NID1: variants seen among roughly 807,000 people sequenced by gnomAD.
NID1 encodes the protein nidogen 1, also known as nidogen-1.
A neutral mutation model predicts 130.6 loss-of-function variants in NID1; 76 were observed. That is an observed-to-expected ratio of 0.58 (90% CI 0.48 to 0.70). NID1 has a LOEUF of 0.70. Ranked by LOEUF, NID1 falls within the 30% of genes least tolerant of loss-of-function variation. The pLI is 0.00. For missense variants in NID1, 1,517 were observed against 1,664.8 expected (o/e 0.91, Z 1.54); for synonymous variants, 665 against 675.1 (o/e 0.98, Z 0.23).
chr1:235,980,703 T>G, intron 16 of NID1, 50 bp from the exon 17 acceptor site: 1 of 1,574,838 alleles, frequency 6.3e-7, no homozygotes, highest in African/African-American at 1.4e-5. Flanking sequence ...TAAGGATGCA[T>G]GAGAAAAAGT....
At chr1:235,991,132 C>G in intron 13 of NID1, 74 bp from the exon 14 acceptor site, 1 of 1,256,100 alleles carries the variant, frequency 8.0e-7, no homozygotes, top group South Asian at 1.5e-5. Flanking sequence ...CACACACCCC[C>G]ACACACATGC....
intron 1 of NID1, among the ~76,000 whole-genome samples, chr1:236,054,755 C>A (rs909310221): frequency 6.6e-6 from 1 of 151,632 alleles, no homozygotes; most frequent in African/African-American, 2.4e-5. Context: ...AATTCTCCTG[C>A]CTCAGCCTCC....
chr1:236,032,266 T>C (rs1659120302), intron 6 of NID1, 135 bp downstream of exon 6: 7 of 1,077,980 alleles, frequency 6.5e-6, no homozygotes, highest in Non-Finnish European at 9.4e-6. Flanking sequence ...CAGGATGCCC[T>C]GTCTACAGAC....
intron 12 of NID1, among the ~76,000 whole-genome samples, chr1:236,011,057 CCCTCAATGAGCTCACAGGT>C (rs1194158564): frequency 1.2e-4 from 18 of 152,108 alleles, no homozygotes; most frequent in African/African-American, 3.4e-4. Flanking sequence ...ACCTGCACCA[CCCTCAATGAGCTCACAGGT>C]CCTCAATGAG....
At chr1:235,998,901 C>T (rs1218363907) in intron 12 of NID1, among the ~76,000 whole-genome samples, 1 of 152,030 alleles carries the variant, frequency 6.6e-6, no homozygotes, top group African/African-American at 2.4e-5. Flanking sequence ...GGCCACAGCA[C>T]TGGTTGGTGG....
intron 1 of NID1, among the ~76,000 whole-genome samples, chr1:236,061,125 G>C (rs1408884188): frequency 6.6e-6 from 1 of 152,146 alleles, no homozygotes; most frequent in African/African-American, 2.4e-5. Context: ...CAGAAAGAAT[G>C]ACAGAAACAA....
Position 235,985,548 on chromosome 1 carries a change from A to G in NID1, c.2929-43T>C, listed in dbSNP as rs747760394. The G allele has an allele frequency of 6.2e-6, 10 of 1,608,362 alleles. No individual in the cohort carries two copies. The Middle Eastern group carries it at 1.2e-3, about 186-fold the overall frequency. On this transcript the variant is annotated intron_variant, in intron 14 of 19. Coordinates refer to ENST00000264187, the MANE Select transcript of NID1 (RefSeq NM_002508.3). ...TGGTTAGAATGGTCCATCTACAAGC[A>G]TCTGATAGTGAGAATCTTTTTGCGT...
intron 4 of NID1, among the ~76,000 whole-genome samples, chr1:236,041,054 G>C (rs1330502424): frequency 2.0e-5 from 3 of 151,938 alleles, no homozygotes; most frequent in Non-Finnish European, 4.4e-5. Context: ...TAGTTGACCA[G>C]AAAATGTACT....
At chr1:236,063,604 T>C (rs1378918970) in intron 1 of NID1, among the ~76,000 whole-genome samples, 2 of 152,200 alleles carry the variant, frequency 1.3e-5, no homozygotes, top group East Asian at 1.9e-4. Context: ...CTTGGTCATC[T>C]TGTGGATTTT....
rs1194064641 is a variant in NID1 at position 235,980,430 on chromosome 1, CTA to C, written c.3385+64_3385+65del. The C allele has an allele frequency of 2.4e-5, 37 of 1,553,888 alleles. No individual in the cohort carries two copies. In the Admixed American group the frequency reaches 6.8e-4, roughly 29 times the overall value. ...GCTGGTTAGATTTGACCCCAGGGCC[CTA>C]GTTTGCCCACCCCTGACTTAGGAGA... is the stretch of plus-strand genomic sequence containing the variant. On this transcript the variant is annotated intron_variant, in intron 17 of 19. Transcript: ENST00000264187.
chr1:236,021,556 C>T (rs1242226940), intron 9 of NID1, among the ~76,000 whole-genome samples: 1 of 152,166 alleles, frequency 6.6e-6, no homozygotes, highest in African/African-American at 2.4e-5. Flanking sequence ...CCATTAGCTG[C>T]GGCTGCTGGA....
intron 5 of NID1, among the ~76,000 whole-genome samples, chr1:236,035,496 T>C (rs368128598): frequency 7.1e-6 from 1 of 141,360 alleles, no homozygotes; most frequent in African/African-American, 2.7e-5. Flanking sequence ...TATAGTCCTT[T>C]GGGTATATAC....
chr1:235,990,098 A>G (rs562083441), intron 14 of NID1, among the ~76,000 whole-genome samples: 1 of 152,356 alleles, frequency 6.6e-6, no homozygotes, highest in South Asian at 2.1e-4. Context: ...TATTTTGGAT[A>G]CTTTTTTGCT....
intron 9 of NID1, among the ~76,000 whole-genome samples, chr1:236,019,337 C>T (rs1234284148): frequency 6.6e-6 from 1 of 152,260 alleles, no homozygotes; most frequent in Non-Finnish European, 1.5e-5. Context: ...TGTCTGGAAA[C>T]ATTGTACATA....
At chr1:235,988,083 C>A (rs534314108) in intron 14 of NID1, among the ~76,000 whole-genome samples, 1 of 152,112 alleles carries the variant, frequency 6.6e-6, no homozygotes, top group East Asian at 1.9e-4. Context: ...CATCATAGGA[C>A]ACAATCAAGA....
At chr1:236,023,459 G>C (rs545217540) in intron 9 of NID1, among the ~76,000 whole-genome samples, 14 of 152,310 alleles carry the variant, frequency 9.2e-5, no homozygotes, top group Non-Finnish European at 1.9e-4. Flanking sequence ...ACTGAAGGAA[G>C]GGGGAAATGT....
At chr1:236,029,430 C>T in intron 7 of NID1, 120 bp downstream of exon 7, 14 of 916,888 alleles carry the variant, frequency 1.5e-5, no homozygotes, top group Admixed American at 8.9e-5. Flanking sequence ...ACTGTAAGGC[C>T]CGGTGTATTT....
intron 10 of NID1, among the ~76,000 whole-genome samples, chr1:236,016,455 G>A (rs1336571586): frequency 6.6e-6 from 1 of 152,204 alleles, no homozygotes; most frequent in Non-Finnish European, 1.5e-5. Context: ...GAGTTCAGAT[G>A]CGCATTTGAC....
intron 4 of NID1, 50 bp downstream of exon 4, chr1:236,041,860 G>A: frequency 6.4e-7 from 1 of 1,557,992 alleles, no homozygotes; most frequent in South Asian, 1.2e-5. Context: ...CGCCTGTCTG[G>A]AAGCCCACAC....
Sources: allele counts gnomAD v4.1 joint callset (sites outside exome capture counted in the v4.1 genomes callset), GRCh38; gene constraint gnomAD v4.1.1; transcripts MANE v1.5; gene names NCBI Gene and HGNC (gene_info 2026-07-23, HGNC 2026-07-21).